The following NSD2 variants were observed in gnomAD, a reference collection of about 807,000 sequenced individuals.
NSD2 encodes the protein histone-lysine N-methyltransferase NSD2.
A neutral mutation model predicts 139.0 loss-of-function variants in NSD2; 12 were observed. That is an observed-to-expected ratio of 0.09 (90% CI 0.06 to 0.14). NSD2 has a LOEUF of 0.14. NSD2 is among the 10% of genes least tolerant of loss of function. The probability of loss-of-function intolerance (pLI) is 1.00; values close to 1 mark genes in which losing one functional copy is unlikely to be tolerated. For synonymous variants in NSD2, 669 were observed against 648.7 expected, an observed-to-expected ratio of 1.03 and a Z score of -0.48; for missense variants, 1,155 against 1,745.0, an observed-to-expected ratio of 0.66 and a Z score of 6.02.
At chr4:1,898,864 C>G (rs1176976225) in intron 1 of NSD2, among the ~76,000 whole-genome samples, 45 of 152,042 alleles carry the variant, frequency 3.0e-4, no homozygotes, top group Non-Finnish European at 2.2e-4. Flanking sequence ...ACAGTTGCTT[C>G]AAACTCTCCT....
intron 9 of NSD2, chr4:1,947,151 G>A: frequency 1.9e-6 from 2 of 1,064,538 alleles, no homozygotes; most frequent in Middle Eastern, 4.1e-4. Flanking sequence ...TCTGCAGTCG[G>A]CCAGACCAGG....
chr4:1,976,906 C>T lies in NSD2; in HGVS notation c.3826+227C>T, dbSNP rs905201724. ...AGAAGATATGTGGTGACGGGGTAGCCCCTGGAACCTCCAGGAGGGATTCAG... is the reference window on the plus strand; with the variant it reads ...AGAAGATATGTGGTGACGGGGTAGCTCCTGGAACCTCCAGGAGGGATTCAG... On this transcript the variant is annotated intron_variant, in intron 21 of 21. Coordinates refer to ENST00000508803, the MANE Select transcript of NSD2 (RefSeq NM_001042424.3). This position sits in a 1 kb window ranked among gnomAD's most constrained non-coding sequence, Gnocchi z 5.3. Among the ~76,000 whole-genome samples, 2 of 152,248 alleles carry T rather than the reference C, an allele frequency of 1.3e-5. No homozygotes were observed. The highest frequency in any genetic ancestry group is 2.9e-5 in the Non-Finnish European group (2 of 68,040).
At position 1,942,934 on chromosome 4, in the gene NSD2, A is replaced by G; in HGVS notation, c.1881+3156A>G. ...AAGAGTTTTGATTCTATCCTTTTTTACTAAACAGTTTTATTATGACACTAG... is the reference window on the plus strand; with the variant it reads ...AAGAGTTTTGATTCTATCCTTTTTTGCTAAACAGTTTTATTATGACACTAG... On this transcript the variant is annotated intron_variant, in intron 9 of 21. Coordinates refer to ENST00000508803, the MANE Select transcript of NSD2 (RefSeq NM_001042424.3). This position sits in a 1 kb window ranked among gnomAD's most constrained non-coding sequence, Gnocchi z 4.0. 3.8e-6 allele frequency: 4 copies of G among 1,054,790 alleles called. No individual in the cohort carries two copies. The highest frequency in any genetic ancestry group is 4.6e-6 in the Non-Finnish European group (4 of 872,820). The allele number at this position is 1,054,790 out of a possible 1,614,324, so 65.3% of individuals were successfully genotyped here. A position where few individuals can be genotyped will look rare whatever the true frequency, so the allele number is the denominator to read the frequency against.
intron 3 of NSD2, among the ~76,000 whole-genome samples, chr4:1,913,188 G>T (rs1718904531): frequency 6.6e-6 from 1 of 152,082 alleles, no homozygotes; most frequent in Non-Finnish European, 1.5e-5. Context: ...CCTCTGTCAC[G>T]CCCAGACAGG....
intron 9 of NSD2, 73 bp from the exon 10 acceptor site, chr4:1,950,999 G>C: frequency 6.3e-7 from 1 of 1,580,346 alleles, no homozygotes; most frequent in Non-Finnish European, 8.6e-7. Context: ...GGCGGGACGA[G>C]CCTGCCTGCA....
chr4:1,876,915 C>G (rs1407574878), intron 1 of NSD2, among the ~76,000 whole-genome samples: 1 of 152,048 alleles, frequency 6.6e-6, no homozygotes, highest in African/African-American at 2.4e-5. Context: ...GCAGGCAGAT[C>G]ACCTGAGGTC....
chr4:1,942,510 C>T lies in NSD2; in HGVS notation c.1881+2732C>T. 1 of 1,481,798 alleles carries T rather than the reference C, an allele frequency of 6.7e-7. No individual in the cohort carries two copies. Among genetic ancestry groups the T allele is most frequent in the Non-Finnish European group, 9.0e-7 (1 of 1,114,010 alleles). 91.8% of individuals were successfully genotyped at this position (1,481,798 alleles called of 1,614,324 possible). A position where few individuals can be genotyped will look rare whatever the true frequency, so the allele number is the denominator to read the frequency against. ...GAAGATGTGTGATAATCTGTTTTTA[C>T]TGGTATTAATAAACACATACAATGA... On this transcript the variant is annotated intron_variant, in intron 9 of 21. Transcript: ENST00000508803. This position sits in a 1 kb window ranked among gnomAD's most constrained non-coding sequence, Gnocchi z 4.0.
At chr4:1,953,159 G>C (rs1445118566) in intron 11 of NSD2, 165 bp from the exon 12 acceptor site, 12 of 1,550,988 alleles carry the variant, frequency 7.7e-6, no homozygotes, top group Non-Finnish European at 9.6e-6. Context: ...GGATCTTTTT[G>C]CTGGAGAATG....
At chr4:1,970,537 G>A (rs779879571) in intron 18 of NSD2, among the ~76,000 whole-genome samples, 3 of 152,118 alleles carry the variant, frequency 2.0e-5, no homozygotes, top group South Asian at 2.1e-4. Context: ...GGAGTGATGC[G>A]TACTCAGAAT....
chr4:1,916,780 C>G (rs1719455519), intron 3 of NSD2, 91 bp from the exon 4 acceptor site: 3 of 1,327,928 alleles, frequency 2.3e-6, no homozygotes, highest in Non-Finnish European at 1.0e-6. Flanking sequence ...CAGACAACAC[C>G]AAGGGAAACA....
intron 9 of NSD2, chr4:1,940,123 G>C (rs572980332): frequency 8.7e-7 from 1 of 1,152,466 alleles, no homozygotes; most frequent in African/African-American, 1.5e-5. Flanking sequence ...GTAAGTCTGC[G>C]TTGGTTCTGA....
chr4:1,978,380 GCTCCT>G (rs1727348256), intron 21 of NSD2, among the ~76,000 whole-genome samples: 1 of 152,194 alleles, frequency 6.6e-6, no homozygotes, highest in Non-Finnish European at 1.5e-5. Flanking sequence ...ACCCGGCACA[GCTCCT>G]CTCAGTTGCC....
chr4:1,939,983 A>G (rs2108898536), intron 9 of NSD2: 1 of 1,425,492 alleles, frequency 7.0e-7, no homozygotes, highest in East Asian at 2.5e-5. Context: ...CACTTTTTAT[A>G]CACACGCACA....
At chr4:1,927,521 C>A (rs1721074122) in intron 5 of NSD2, among the ~76,000 whole-genome samples, 1 of 151,912 alleles carries the variant, frequency 6.6e-6, no homozygotes, top group Non-Finnish European at 1.5e-5. Flanking sequence ...AGTTCGAGAC[C>A]AGCCTGGCCC....
At chr4:1,975,803 G>A (rs1456762723) in intron 20 of NSD2, among the ~76,000 whole-genome samples, 1 of 152,158 alleles carries the variant, frequency 6.6e-6, no homozygotes, top group Non-Finnish European at 1.5e-5. Flanking sequence ...CTGTTGACTT[G>A]CCCTTCTTAT....
intron 1 of NSD2, among the ~76,000 whole-genome samples, chr4:1,873,278 G>A (rs1213777813): frequency 2.0e-5 from 3 of 152,106 alleles, no homozygotes; most frequent in South Asian, 2.1e-4. Context: ...ACCAGAGTCT[G>A]GCCTCTGATT....
At chr4:1,936,237 T>A (rs1722382092) in intron 7 of NSD2, among the ~76,000 whole-genome samples, 1 of 152,224 alleles carries the variant, frequency 6.6e-6, no homozygotes, top group Non-Finnish European at 1.5e-5. Context: ...ATGGTGCCCA[T>A]GCATGTAGAA....
Position 1,979,840 on chromosome 4 carries a change from A to G in NSD2, c.*931A>G, listed in dbSNP as rs2109039833. ...GTTTACTGATGCGGCCCTGAGCTCC[A>G]TGGCGAAAGGAGTGACTTTGCAGGG... On this transcript the variant is annotated 3_prime_UTR_variant, in exon 22 of 22. Transcript: ENST00000508803. 4.3e-6 allele frequency: 1 copy of G among 232,556 alleles called. No homozygotes were observed. Among genetic ancestry groups the G allele is most frequent in the Non-Finnish European group, 8.5e-6 (1 of 117,622 alleles). The allele number at this position is 232,556 out of a possible 1,614,324, so 14.4% of individuals were successfully genotyped here.
intron 2 of NSD2, 123 bp from the exon 3 acceptor site, chr4:1,904,093 G>GCA: frequency 9.1e-7 from 1 of 1,100,110 alleles, no homozygotes; most frequent in Non-Finnish European, 1.3e-6. Flanking sequence ...CAGCAAGGGA[G>GCA]CACACTCCAT....
Sources: gnomAD v4.1 joint callset for allele counts (sites outside exome capture counted in the v4.1 genomes callset) on GRCh38, gnomAD v4.1.1 for gene constraint, Gnocchi (gnomAD v3.1) non-coding constraint, MANE v1.5 for transcripts, NCBI Gene and HGNC (gene_info 2026-07-23, HGNC 2026-07-21) for gene names.